TFAP2B: variants seen among roughly 807,000 people sequenced by gnomAD.
TFAP2B encodes the protein transcription factor AP-2 beta, also known as transcription factor AP-2-beta.
In TFAP2B, 9 loss-of-function variants were observed where a neutral mutation model predicts 44.3. The observed-to-expected ratio is 0.20, with a 90% CI of 0.12 to 0.35. The LOEUF (loss-of-function observed/expected upper bound fraction) is 0.35, where lower values mean the gene tolerates loss of function less well. Among genes scored for constraint, TFAP2B ranks in the 10% least tolerant of loss-of-function variants. TFAP2B has a pLI of 1.00. For missense variants in TFAP2B, 509 were observed against 600.0 expected, an observed-to-expected ratio of 0.85 and a Z score of 1.59; for synonymous variants, 270 against 263.8, an observed-to-expected ratio of 1.02 and a Z score of -0.23.
At chr6:50,824,055 C>G (rs1384482412) in intron 2 of TFAP2B, among the ~76,000 whole-genome samples, 190 bp downstream of exon 2, 1 of 152,100 alleles carries the variant, frequency 6.6e-6, no homozygotes, top group Non-Finnish European at 1.5e-5. Flanking sequence ...GTGGCGATTT[C>G]CAGAGGTCTA....
Position 50,847,358 on chromosome 6 carries a change from A to C in TFAP2B, c.*3966A>C, listed in dbSNP as rs1055876023. On this transcript the variant is annotated 3_prime_UTR_variant, in exon 7 of 7. Coordinates refer to ENST00000393655, the MANE Select transcript of TFAP2B (RefSeq NM_003221.4). The stretch of plus-strand genomic sequence containing the variant: ...ACGAGAAGAGCTCTGGAGGGTATTC[A>C]TGTTAAGTTTGTATATATTTATTTA... 6.6e-6 allele frequency: 1 copy of C among 152,606 alleles called. No individual in the cohort carries two copies. Among genetic ancestry groups the C allele is most frequent in the Non-Finnish European group, 1.5e-5 (1 of 68,044 alleles). The allele number at this position is 152,606 out of a possible 1,614,324, so 9.5% of individuals were successfully genotyped here.
chr6:50,842,144 G>A (rs1762746077), intron 6 of TFAP2B, among the ~76,000 whole-genome samples: 1 of 152,216 alleles, frequency 6.6e-6, no homozygotes, highest in Non-Finnish European at 1.5e-5. Context: ...CAGGCAGGTG[G>A]ACATGAGAAA....
At position 50,823,619 on chromosome 6, in the gene TFAP2B, G is replaced by C; in HGVS notation, c.294G>C (p.Leu98=). 1 of 1,613,976 alleles carries C rather than the reference G, an allele frequency of 6.2e-7. No homozygotes were observed. The highest frequency in any genetic ancestry group is 8.5e-7 in the Non-Finnish European group (1 of 1,179,984). Residue 98 remains leucine, a synonymous_variant, in exon 2 of 7, where the codon CTG becomes CTC. Coordinates refer to ENST00000393655, the MANE Select transcript of TFAP2B (RefSeq NM_003221.4). ...ACGACCCCTACTCCCTGAACCCACT[G>C]CACCAGCCCCAGCAACATCCCTGGG... ...HVNDPYSLNP[L]HQPQQHPWGQ... is the part of the protein sequence containing the mutation.
At chr6:50,826,155 C>T (rs1190606319) in intron 2 of TFAP2B, among the ~76,000 whole-genome samples, 1 of 152,182 alleles carries the variant, frequency 6.6e-6, no homozygotes, top group Non-Finnish European at 1.5e-5. Context: ...CTACAGCTAT[C>T]GAATGGGTGG....
intron 4 of TFAP2B, 26 bp downstream of exon 4, chr6:50,836,306 C>A (rs779438698): frequency 5.7e-6 from 9 of 1,588,944 alleles, no homozygotes; most frequent in Non-Finnish European, 7.8e-6. Context: ...AAAACAAAAA[C>A]AAAAACAAAA....
rs188726171 is a variant in TFAP2B, at chr6:50,828,567, G to A, written c.541-52G>A. On this transcript the variant is annotated intron_variant, in intron 2 of 6. Transcript: ENST00000393655. ...GTTTGGAATAACATGATTTATGTGT[G>A]CAATTCTTTAATATCCTGTCAATTT... 66 of 1,507,432 alleles carry A rather than the reference G, an allele frequency of 4.4e-5. No homozygotes were observed. The African/African-American group carries it at 7.8e-4, about 18-fold the overall frequency. 93.4% of individuals were successfully genotyped at this position (1,507,432 alleles called of 1,614,324 possible).
intron 1 of TFAP2B, 148 bp from the exon 2 acceptor site, chr6:50,823,259 C>G: frequency 1.3e-6 from 1 of 764,440 alleles, no homozygotes; most frequent in Non-Finnish European, 2.3e-6. Context: ...CTTCCCTTGT[C>G]CCGGGAAGAG....
intron 3 of TFAP2B, chr6:50,830,239 A>G: frequency 2.2e-6 from 2 of 919,978 alleles, no homozygotes; most frequent in Non-Finnish European, 2.6e-6. Context: ...TAGCAACATC[A>G]TTTGGGCTGG....
rs1762818795 is a variant in TFAP2B at position 50,845,146 on chromosome 6, G to T, written c.*1754G>T. On this transcript the variant is annotated 3_prime_UTR_variant, in exon 7 of 7. Coordinates refer to ENST00000393655, the MANE Select transcript of TFAP2B (RefSeq NM_003221.4). Reference sequence around the variant, plus strand: ...CCCGGGATAAGGGTGAATGAGAGAGGTCTCTAAATATAGTGTTGATACACT... The same window carrying T: ...CCCGGGATAAGGGTGAATGAGAGAGTTCTCTAAATATAGTGTTGATACACT... 1 of 152,106 alleles carries T rather than the reference G, an allele frequency of 6.6e-6. No homozygotes were observed. Among genetic ancestry groups the T allele is most frequent in the African/African-American group, 2.4e-5 (1 of 41,386 alleles). The allele number at this position is 152,106 out of a possible 1,614,324, so 9.4% of individuals were successfully genotyped here. A position where few individuals can be genotyped will look rare whatever the true frequency, so the allele number is the denominator to read the frequency against.
rs1020911150 is a variant in TFAP2B at position 50,843,969 on chromosome 6, T to C, written c.*577T>C. 6.5e-6 allele frequency: 1 copy of C among 153,944 alleles called. No homozygotes were observed. The highest frequency in any genetic ancestry group is 2.4e-5 in the African/African-American group (1 of 41,432). The allele number at this position is 153,944 out of a possible 1,614,324, so 9.5% of individuals were successfully genotyped here. On this transcript the variant is annotated 3_prime_UTR_variant, in exon 7 of 7. Coordinates refer to ENST00000393655, the MANE Select transcript of TFAP2B (RefSeq NM_003221.4). ...TGAAAATGAGTGTGGTTGGCCCTTTTGCGTTGTTTCAGTCCTCTCGGTACC... is the reference window on the plus strand; with the variant it reads ...TGAAAATGAGTGTGGTTGGCCCTTTCGCGTTGTTTCAGTCCTCTCGGTACC...
In TFAP2B at chr6:50,838,047, C is replaced by A; in HGVS notation, c.894C>A (p.Gly298=). 1 of 1,614,188 alleles carries A rather than the reference C, an allele frequency of 6.2e-7. No individual in the cohort carries two copies. Among genetic ancestry groups the A allele is most frequent in the Non-Finnish European group, 8.5e-7 (1 of 1,180,030 alleles). ...LEKIGLNLPA[G]RRKAANVTLL... is the part of the protein sequence containing the mutation. ...AAATCGGTTTGAATTTACCCGCGGG[C>A]AGGCGCAAAGCAGCAAATGTCACGT... The change falls in exon 5 of 7, where the codon GGC becomes GGA. Residue 298 remains glycine (G), a synonymous_variant. Coordinates refer to ENST00000393655, the MANE Select transcript of TFAP2B (RefSeq NM_003221.4).
chr6:50,833,523 AAAAAAC>A (rs76541102), intron 3 of TFAP2B, among the ~76,000 whole-genome samples: 1,895 of 151,556 alleles, frequency 0.013, 33 homozygotes, highest in African/African-American at 0.043. Flanking sequence ...CTGGAAGGGG[AAAAAAC>A]AAAAACAAAA....
At chr6:50,822,931 C>G (rs1308957710) in intron 1 of TFAP2B, among the ~76,000 whole-genome samples, 1 of 152,152 alleles carries the variant, frequency 6.6e-6, no homozygotes, top group Non-Finnish European at 1.5e-5. Context: ...GGGAGCAGCA[C>G]AGCAAATACT....
intron 2 of TFAP2B, 25 bp downstream of exon 2, chr6:50,823,890 A>G: frequency 6.5e-7 from 1 of 1,535,712 alleles, no homozygotes; most frequent in Non-Finnish European, 8.7e-7. Context: ...ACAAACAAAC[A>G]AACAAAAAAG....
At chr6:50,830,394 G>A (rs1032943932) in intron 3 of TFAP2B, 7 of 685,418 alleles carry the variant, frequency 1.0e-5, no homozygotes, top group Non-Finnish European at 1.3e-5. Flanking sequence ...GCTTGTATAT[G>A]TTTGTCAGTG....
intron 6 of TFAP2B, among the ~76,000 whole-genome samples, chr6:50,842,558 A>G (rs1762753292): frequency 6.6e-6 from 1 of 152,192 alleles, no homozygotes; most frequent in Non-Finnish European, 1.5e-5. Flanking sequence ...TTTGCTTTGA[A>G]TGGAATCAGC....
intron 1 of TFAP2B, chr6:50,821,642 G>C (rs1391201915): frequency 6.4e-6 from 1 of 155,390 alleles, no homozygotes; most frequent in Non-Finnish European, 1.4e-5. Flanking sequence ...CAGCCCCCTC[G>C]TCTGATTACA....
intron 3 of TFAP2B, among the ~76,000 whole-genome samples, chr6:50,829,224 A>G (rs1770608486): frequency 6.6e-6 from 1 of 152,198 alleles, no homozygotes; most frequent in Non-Finnish European, 1.5e-5. Context: ...CAGCCTATGC[A>G]CATTTCTAAA....
Position 50,843,122 on chromosome 6 carries a change from G to A in TFAP2B, c.1113G>A (p.Leu371=), listed in dbSNP as rs776479837. 9 of 1,614,258 alleles carry A rather than the reference G, an allele frequency of 5.6e-6. No homozygotes were observed. The highest frequency in any genetic ancestry group is 2.2e-5 in the South Asian group (2 of 91,086). ...TTTGTAAAGAATTTACGGATCTACT[G>A]GCGCAGGACCGGACACCGATAGGGA... ...KQLCKEFTDL[L]AQDRTPIGNS... The change falls in exon 7 of 7, where the codon CTG becomes CTA. Residue 371 remains leucine (L), a synonymous_variant. Coordinates refer to ENST00000393655, the MANE Select transcript of TFAP2B (RefSeq NM_003221.4).
Sources: gnomAD v4.1 joint callset for allele counts (sites outside exome capture counted in the v4.1 genomes callset) on GRCh38, gnomAD v4.1.1 for gene constraint, MANE v1.5 for transcripts, NCBI Gene and HGNC (gene_info 2026-07-23, HGNC 2026-07-21) for gene names.